The following EDN3 variants were observed in gnomAD, a reference collection of about 807,000 sequenced individuals.
The protein encoded by EDN3 is endothelin-3.
A neutral mutation model predicts 21.4 loss-of-function variants in EDN3; 9 were observed. The observed-to-expected ratio is 0.42, with a 90% CI of 0.25 to 0.73. The LOEUF (loss-of-function observed/expected upper bound fraction) is 0.73, where lower values mean the gene tolerates loss of function less well. Among genes scored for constraint, EDN3 ranks in the 30% least tolerant of loss-of-function variants. The pLI, the probability that EDN3 is intolerant of heterozygous loss-of-function variation, is 0.26. For synonymous variants in EDN3, 133 were observed against 126.2 expected, an observed-to-expected ratio of 1.05 and a Z score of -0.36; for missense variants, 327 against 309.4, an observed-to-expected ratio of 1.06 and a Z score of -0.43.
rs897236909 is a variant in EDN3 at position 59,323,873 on chromosome 20, G to A, written c.589-458G>A. 2.8e-5 allele frequency: 14 copies of A among 494,562 alleles called. 1 individual carries two copies. The South Asian group carries it at 2.9e-4, about 10-fold the overall frequency. 30.6% of individuals were successfully genotyped at this position (494,562 alleles called of 1,614,324 possible). On this transcript the variant is annotated intron_variant, in intron 4 of 4. Transcript: ENST00000337938. ...ATGTTCAAAAGATGCAATTGGTGGT[G>A]CAGATGTCCCAGCAGGGCCTGGAAA...
chr20:59,324,897 G>T lies in EDN3; in HGVS notation c.*438G>T. Reference sequence around the variant, plus strand: ...GACTTTCATATCCTTGCCTAGAATAGGCTGCATGGTGTATGTCAGTGAGGG... The same window carrying T: ...GACTTTCATATCCTTGCCTAGAATATGCTGCATGGTGTATGTCAGTGAGGG... On this transcript the variant is annotated 3_prime_UTR_variant, in exon 5 of 5. Transcript: ENST00000337938. 1 of 295,198 alleles carries T rather than the reference G, an allele frequency of 3.4e-6. No individual in the cohort carries two copies. The highest frequency in any genetic ancestry group is 6.6e-6 in the Non-Finnish European group (1 of 151,316). The allele number at this position is 295,198 out of a possible 1,614,324, so 18.3% of individuals were successfully genotyped here.
At chr20:59,312,044 A>T (rs3026595) in intron 2 of EDN3, among the ~76,000 whole-genome samples, 10 of 120,542 alleles carry the variant, frequency 8.3e-5, no homozygotes, top group Admixed American at 3.0e-4. Flanking sequence ...CATTTTTTTT[A>T]ATCCCTTTGC....
At chr20:59,301,271 CT>C (rs1988993023) in intron 1 of EDN3, 138 bp from the exon 2 acceptor site, 1 of 1,085,344 alleles carries the variant, frequency 9.2e-7, no homozygotes, top group Non-Finnish European at 1.3e-6. Flanking sequence ...AGCTTGGAAA[CT>C]TTTCAGAAAC....
chr20:59,307,510 G>A (rs183689840), intron 2 of EDN3, among the ~76,000 whole-genome samples: 4 of 152,332 alleles, frequency 2.6e-5, no homozygotes, highest in Admixed American at 2.6e-4. Context: ...CTGTGTGCAT[G>A]TTCCCAACAT....
At chr20:59,311,495 A>G (rs1381680160) in intron 2 of EDN3, among the ~76,000 whole-genome samples, 10 of 152,068 alleles carry the variant, frequency 6.6e-5, no homozygotes. Flanking sequence ...CCTAGACCAT[A>G]TAGGGTGACT....
At chr20:59,321,335 G>A in intron 3 of EDN3, 142 bp downstream of exon 3, 1 of 1,025,262 alleles carries the variant, frequency 9.8e-7, no homozygotes, top group Non-Finnish European at 1.5e-6. Context: ...AGAGAAAGGA[G>A]GTGCTGAGCC....
intron 1 of EDN3, 90 bp downstream of exon 1, chr20:59,300,954 T>C: frequency 6.8e-7 from 1 of 1,469,270 alleles, no homozygotes; most frequent in Non-Finnish European, 9.3e-7. Flanking sequence ...AAGATGTGCG[T>C]CGCGGGGAGC....
chr20:59,322,300 A>G lies in EDN3; in HGVS notation c.543-72A>G. 6 of 1,564,130 alleles carry G rather than the reference A, an allele frequency of 3.8e-6. No homozygotes were observed. Among genetic ancestry groups the G allele is most frequent in the Non-Finnish European group, 5.3e-6 (6 of 1,134,704 alleles). ...GCTCATTGGTGGGGAAGAGGAAGTC[A>G]TAATTTGACACCGAAAAACCAGCCA... On this transcript the variant is annotated intron_variant, in intron 3 of 4. Coordinates refer to ENST00000337938, the MANE Select transcript of EDN3 (RefSeq NM_207034.3). This position sits in a 1 kb window ranked among gnomAD's most constrained non-coding sequence, Gnocchi z 4.1.
chr20:59,318,993 A>T (rs1990360573), intron 2 of EDN3, among the ~76,000 whole-genome samples: 1 of 152,008 alleles, frequency 6.6e-6, no homozygotes. Context: ...CCTTTGCCAA[A>T]CTCTGCCTCA....
chr20:59,302,358 C>T (rs997434866), intron 2 of EDN3, among the ~76,000 whole-genome samples: 1 of 152,174 alleles, frequency 6.6e-6, no homozygotes, highest in African/African-American at 2.4e-5. Context: ...TCACAGAGGG[C>T]CTTCCCTTCT....
rs457651 is a variant in EDN3 at position 59,301,548 on chromosome 20, G to A, written c.191G>A (p.Gly64Glu). Residue 64 changes from glycine to glutamate, a missense_variant, in exon 2 of 5, where the codon GGG becomes GAG. Transcript: ENST00000337938. ...GAGACTGTGGCTGGCCCTGGCGAGG[G>A]GACTGTGGCCCCGACAGCACTGCAG... ...GEETVAGPGE[G>E]TVAPTALQGP... 1.2e-6 allele frequency: 2 copies of A among 1,613,086 alleles called. No individual in the cohort carries two copies. The highest frequency in any genetic ancestry group is 1.1e-5 in the South Asian group (1 of 91,062).
At chr20:59,306,170 G>A (rs1175937478) in intron 2 of EDN3, among the ~76,000 whole-genome samples, 7 of 152,164 alleles carry the variant, frequency 4.6e-5, no homozygotes, top group Admixed American at 4.6e-4. Context: ...GATGCTGGAT[G>A]GTGACTGTGT....
In EDN3 at chr20:59,315,282, G is replaced by C. The variant is rs1990103178; in HGVS notation, c.366-5735G>C. Among the ~76,000 whole-genome samples, 2 of 152,238 alleles carry C rather than the reference G, an allele frequency of 1.3e-5. 1 individual carries two copies. The highest frequency in any genetic ancestry group is 1.3e-4 in the Admixed American group (2 of 15,288). On this transcript the variant is annotated intron_variant, in intron 2 of 4. Transcript: ENST00000337938. ...AATGACTGCTGGTGCCTGGCAGCTG[G>C]GGGCTGCCTCCTGACTGTCTGCCAG...
chr20:59,318,441 C>T (rs927829636), intron 2 of EDN3, among the ~76,000 whole-genome samples: 4 of 152,246 alleles, frequency 2.6e-5, no homozygotes, highest in East Asian at 1.9e-4. Context: ...CTTATCAGAT[C>T]GATTGAAACC....
Position 59,324,509 on chromosome 20 carries a change from A to C in EDN3, c.*50A>C. 6.2e-7 allele frequency: 1 copy of C among 1,612,960 alleles called. No individual in the cohort carries two copies. The highest frequency in any genetic ancestry group is 1.1e-5 in the South Asian group (1 of 91,060). ...TCTCGGGAGGCTTCTGTCATTGCTC[A>C]CACACAGTTCAGATTTCCACCTCTT... On this transcript the variant is annotated 3_prime_UTR_variant, in exon 5 of 5. Coordinates refer to ENST00000337938, the MANE Select transcript of EDN3 (RefSeq NM_207034.3).
chr20:59,318,605 G>T (rs1990337817), intron 2 of EDN3, among the ~76,000 whole-genome samples: 1 of 152,242 alleles, frequency 6.6e-6, no homozygotes, highest in Non-Finnish European at 1.5e-5. Flanking sequence ...CCAGGCCTTG[G>T]TGGAGGGGTT....
intron 2 of EDN3, among the ~76,000 whole-genome samples, chr20:59,314,313 C>A (rs1480468730): frequency 6.6e-6 from 1 of 152,152 alleles, no homozygotes; most frequent in African/African-American, 2.4e-5. Context: ...CTCTTATACC[C>A]AAGAGTCTGT....
chr20:59,308,423 T>C (rs1206500476), intron 2 of EDN3, among the ~76,000 whole-genome samples: 2 of 152,190 alleles, frequency 1.3e-5, no homozygotes, highest in Non-Finnish European at 2.9e-5. Flanking sequence ...TCCTGGGGTT[T>C]AGAGAGGAAT....
chr20:59,319,854 G>T (rs1990418071), intron 2 of EDN3, among the ~76,000 whole-genome samples: 1 of 152,194 alleles, frequency 6.6e-6, no homozygotes, highest in Admixed American at 6.5e-5. Flanking sequence ...GGAAACCAAG[G>T]TGGTTCATCT....
Sources: allele counts gnomAD v4.1 joint callset (sites outside exome capture counted in the v4.1 genomes callset), GRCh38; gene constraint gnomAD v4.1.1; non-coding constraint Gnocchi (gnomAD v3.1); transcripts MANE v1.5; gene names NCBI Gene and HGNC (gene_info 2026-07-23, HGNC 2026-07-21).